NIPBL: variants seen among roughly 807,000 people sequenced by gnomAD.
NIPBL encodes the protein NIPBL cohesin loading factor.
In NIPBL, 19 loss-of-function variants were observed where a neutral mutation model predicts 321.8. That is an observed-to-expected ratio of 0.06 (90% CI 0.04 to 0.09). The LOEUF is 0.09. NIPBL is among the 10% of genes least tolerant of loss of function. The probability of loss-of-function intolerance (pLI) is 1.00; values close to 1 mark genes in which losing one functional copy is unlikely to be tolerated. For missense variants in NIPBL, 2,210 were observed against 3,327.0 expected (o/e 0.66, Z 8.26); for synonymous variants, 1,106 against 1,114.1 (o/e 0.99, Z 0.14).
chr5:37,009,212 G>C (rs1034332372), intron 20 of NIPBL, among the ~76,000 whole-genome samples: 1 of 151,396 alleles, frequency 6.6e-6, no homozygotes, highest in Non-Finnish European at 1.5e-5. Context: ...GTTCAAAGAG[G>C]ATTTTATAAG....
Position 36,985,635 on chromosome 5 carries a change from GATA to G in NIPBL, c.2460_2462del (p.Asn820del), listed in dbSNP as rs769307619. ...TTCTGAGTCACTAAGACGTGACCAT[GATA>G]ATAAACAAAAATCAGATGACAGGGG... On this transcript the variant is annotated inframe_deletion, in exon 10 of 47. Transcript: ENST00000282516. 4.3e-6 allele frequency: 7 copies of G among 1,613,826 alleles called. No homozygotes were observed. In the African/African-American group the frequency reaches 8.0e-5, roughly 18 times the overall value.
chr5:37,033,685 T>TACGCGC (rs1554028794), intron 32 of NIPBL, among the ~76,000 whole-genome samples: 2 of 65,046 alleles, frequency 3.1e-5, no homozygotes, highest in African/African-American at 1.8e-4. Flanking sequence ...TATATGTACA[T>TACGCGC]ACACACACAC....
chr5:37,047,216 A>G (rs1459873397), intron 38 of NIPBL, among the ~76,000 whole-genome samples: 4 of 152,184 alleles, frequency 2.6e-5, no homozygotes, highest in Non-Finnish European at 5.9e-5. Flanking sequence ...CCAATCCCCC[A>G]TGGATACCGA....
intron 27 of NIPBL, 125 bp downstream of exon 27, chr5:37,021,002 G>GT: frequency 1.2e-6 from 1 of 829,814 alleles, no homozygotes; most frequent in Admixed American, 1.8e-5. Context: ...TGTAGTATTT[G>GT]TTTTTAGGTT....
chr5:37,052,052 C>A (rs1445231457), intron 41 of NIPBL, among the ~76,000 whole-genome samples, 166 bp downstream of exon 41: 1 of 152,040 alleles, frequency 6.6e-6, no homozygotes, highest in African/African-American at 2.4e-5. Flanking sequence ...TTATTCTAGT[C>A]TAAAGTTAAG....
intron 1 of NIPBL, chr5:36,885,941 A>G (rs1745869645): frequency 1.4e-6 from 1 of 736,330 alleles, no homozygotes; most frequent in Admixed American, 1.7e-5. Context: ...GGACCTCGCC[A>G]AGATCATGGC....
chr5:37,038,525 T>C (rs1751973037), intron 33 of NIPBL, 77 bp from the exon 34 acceptor site: 2 of 1,338,200 alleles, frequency 1.5e-6, no homozygotes, highest in African/African-American at 2.9e-5. Context: ...TAATATTAAG[T>C]AATTTAAATA....
chr5:37,053,880 ACC>A (rs1753820595), intron 42 of NIPBL, among the ~76,000 whole-genome samples: 1 of 152,198 alleles, frequency 6.6e-6, no homozygotes, highest in Non-Finnish European at 1.5e-5. Context: ...GCACGCATGA[ACC>A]TATGTGTATA....
intron 41 of NIPBL, among the ~76,000 whole-genome samples, 194 bp downstream of exon 41, chr5:37,052,080 A>G (rs781676792): frequency 5.9e-5 from 9 of 152,140 alleles, no homozygotes; most frequent in Non-Finnish European, 1.0e-4. Flanking sequence ...TAGAGGTGAC[A>G]GTACCAAGCA....
intron 1 of NIPBL, among the ~76,000 whole-genome samples, chr5:36,898,154 C>T (rs1222507786): frequency 6.6e-6 from 1 of 152,074 alleles, no homozygotes; most frequent in Non-Finnish European, 1.5e-5. Flanking sequence ...AAAAATCTAG[C>T]TAGCTTATTA....
chr5:37,036,825 T>C lies in NIPBL; in HGVS notation c.5971+338T>C, dbSNP rs1751752655. 3.9e-5 allele frequency among the ~76,000 whole-genome samples: 6 copies of C among 152,062 alleles called. No individual in the cohort carries two copies. The South Asian group carries it at 1.2e-3, about 32-fold the overall frequency. On this transcript the variant is annotated intron_variant, in intron 33 of 46. Transcript: ENST00000282516. Reference sequence around the variant, plus strand: ...TAGCTAATGATACTCATCACAAAACTGATATCTCCTAAGTCATATAAAATT... The same window carrying C: ...TAGCTAATGATACTCATCACAAAACCGATATCTCCTAAGTCATATAAAATT...
At chr5:36,971,866 T>A in intron 7 of NIPBL, 79 bp from the exon 8 acceptor site, 8 of 1,524,590 alleles carry the variant, frequency 5.2e-6, no homozygotes, top group South Asian at 4.7e-5. Context: ...GTAATTTATG[T>A]CTCTTATTGG....
intron 1 of NIPBL, among the ~76,000 whole-genome samples, chr5:36,952,070 G>GCA (rs1200694073): frequency 7.2e-6 from 1 of 139,226 alleles, no homozygotes; most frequent in Non-Finnish European, 1.6e-5. Context: ...GCGCGCGCGC[G>GCA]CGCATGTGTG....
At chr5:36,898,787 G>A (rs1369018786) in intron 1 of NIPBL, among the ~76,000 whole-genome samples, 1 of 152,084 alleles carries the variant, frequency 6.6e-6, no homozygotes, top group Non-Finnish European at 1.5e-5. Flanking sequence ...CTGGGTATAG[G>A]TGTGAACCAC....
chr5:36,986,005 C>T lies in NIPBL; in HGVS notation c.2825C>T (p.Pro942Leu). The change falls in exon 10 of 47, where the codon CCA becomes CTA. Residue 942 changes from proline to leucine, a missense_variant. Physicochemically the swap from Pro to Leu is moderately conservative, Grantham distance 98 (BLOSUM62 -3). Coordinates refer to ENST00000282516, the MANE Select transcript of NIPBL (RefSeq NM_133433.4). ...KAHPDNKAEF[P>L]SYLLGGRSGA... ...CACCCTGACAATAAGGCAGAATTTC[C>T]AAGTTATTTGTTGGGGGGCAGGTCT... The T allele has an allele frequency of 6.2e-7, 1 of 1,613,826 alleles. No individual in the cohort carries two copies. The highest frequency in any genetic ancestry group is 1.1e-5 in the South Asian group (1 of 91,060).
intron 9 of NIPBL, 54 bp from the exon 10 acceptor site, chr5:36,984,622 T>C: frequency 1.3e-6 from 2 of 1,495,524 alleles, no homozygotes; most frequent in Non-Finnish European, 1.8e-6. Context: ...GGGTTTTTAA[T>C]AAGATAAGAA....
chr5:37,059,233 G>A, intron 44 of NIPBL, 68 bp downstream of exon 44: 4 of 1,555,102 alleles, frequency 2.6e-6, no homozygotes, highest in South Asian at 2.2e-5. Flanking sequence ...TGGGCTGGGT[G>A]TGGTGGCTCA....
At chr5:36,993,774 T>C (rs1357511739) in intron 10 of NIPBL, among the ~76,000 whole-genome samples, 1 of 152,094 alleles carries the variant, frequency 6.6e-6, no homozygotes, top group Non-Finnish European at 1.5e-5. Context: ...AAAAAAAAAT[T>C]TGTATTCTTA....
intron 1 of NIPBL, among the ~76,000 whole-genome samples, chr5:36,878,372 G>C (rs1308236226): frequency 6.6e-6 from 1 of 152,182 alleles, no homozygotes; most frequent in Non-Finnish European, 1.5e-5. Flanking sequence ...TCATGAGTAA[G>C]TTAAGTGTTT....
Sources: gnomAD v4.1 joint callset for allele counts (sites outside exome capture counted in the v4.1 genomes callset) on GRCh38, gnomAD v4.1.1 for gene constraint, MANE v1.5 for transcripts, NCBI Gene and HGNC (gene_info 2026-07-23, HGNC 2026-07-21) for gene names.